ATXN7L1: variants seen among roughly 807,000 people sequenced by gnomAD.
The protein encoded by ATXN7L1 is ataxin 7 like 1.
In ATXN7L1, 15 loss-of-function variants were observed where a neutral mutation model predicts 70.8. The observed-to-expected ratio is 0.21, with a 90% CI of 0.14 to 0.33. ATXN7L1 has a LOEUF of 0.33. Ranked by LOEUF, ATXN7L1 falls within the 10% of genes least tolerant of loss-of-function variation. The pLI, the probability that ATXN7L1 is intolerant of heterozygous loss-of-function variation, is 1.00. For missense variants in ATXN7L1, 975 were observed against 1,097.1 expected (o/e 0.89, Z 1.57); for synonymous variants, 440 against 445.1 (o/e 0.99, Z 0.14).
chr7:105,822,074 G>A (rs975336152), intron 2 of ATXN7L1, among the ~76,000 whole-genome samples: 1 of 152,154 alleles, frequency 6.6e-6, no homozygotes, highest in East Asian at 1.9e-4. Flanking sequence ...ACTTCAGCTG[G>A]ACACACTGAA....
In ATXN7L1 at chr7:105,701,375, A is replaced by T. The variant is rs555962386; in HGVS notation, c.356-36087T>A. 2.1e-4 allele frequency among the ~76,000 whole-genome samples: 32 copies of T among 152,364 alleles called. No homozygotes were observed. In the South Asian group the frequency reaches 6.4e-3, roughly 31 times the overall value. On this transcript the variant is annotated intron_variant, in intron 3 of 11. Transcript: ENST00000419735. The stretch of plus-strand genomic sequence containing the variant: ...TATTTTAAAAATATAAAATATATGC[A>T]TGTAGATACATATGTACAACACACA...
At chr7:105,718,940 A>T (rs1794878106) in intron 3 of ATXN7L1, among the ~76,000 whole-genome samples, 1 of 152,244 alleles carries the variant, frequency 6.6e-6, no homozygotes, top group Admixed American at 6.5e-5. Flanking sequence ...CTCTAGGCAC[A>T]GGAAGACATC....
At chr7:105,771,291 C>T (rs1191798292) in intron 3 of ATXN7L1, among the ~76,000 whole-genome samples, 4 of 151,552 alleles carry the variant, frequency 2.6e-5, no homozygotes, top group East Asian at 1.9e-4. Context: ...ATTTTTTGGA[C>T]GATGTATATG....
In ATXN7L1 at chr7:105,672,277, C is replaced by G. The variant is rs117564178; in HGVS notation, c.356-6989G>C. Among the ~76,000 whole-genome samples the G allele has an allele frequency of 3.6e-3, 549 of 152,178 alleles. 16 individuals are homozygous for G. In the South Asian group the frequency reaches 0.064, roughly 18 times the overall value. Reference sequence around the variant, plus strand: ...CTCCAGTCTCGGCGACAGAGTGAGACTCCGTCCCCTGCCCCCCCCAAAAAA... The same window carrying G: ...CTCCAGTCTCGGCGACAGAGTGAGAGTCCGTCCCCTGCCCCCCCCAAAAAA... On this transcript the variant is annotated intron_variant, in intron 3 of 11. Coordinates refer to ENST00000419735, the MANE Select transcript of ATXN7L1 (RefSeq NM_020725.2).
intron 2 of ATXN7L1, among the ~76,000 whole-genome samples, chr7:105,808,701 G>A (rs974374734): frequency 6.6e-6 from 1 of 152,194 alleles, no homozygotes; most frequent in African/African-American, 2.4e-5. Context: ...AATTAATTGG[G>A]ACAGGAGCTT....
intron 2 of ATXN7L1, among the ~76,000 whole-genome samples, chr7:105,862,890 C>A (rs80015105): frequency 1.3e-5 from 2 of 152,164 alleles, no homozygotes; most frequent in Non-Finnish European, 2.9e-5. Context: ...CCAGCCACTC[C>A]AATCCAAAGG....
At chr7:105,776,472 A>T (rs1344839989) in intron 3 of ATXN7L1, among the ~76,000 whole-genome samples, 1 of 145,196 alleles carries the variant, frequency 6.9e-6, no homozygotes, top group Admixed American at 7.1e-5. Context: ...TTTTTTTTTA[A>T]GAAAAACAAA....
At chr7:105,713,350 TG>T (rs1231913413) in intron 3 of ATXN7L1, among the ~76,000 whole-genome samples, 1 of 152,182 alleles carries the variant, frequency 6.6e-6, no homozygotes, top group Non-Finnish European at 1.5e-5. Context: ...ATTCTGATGC[TG>T]TTACAGAATA....
At chr7:105,688,143 C>T (rs1258069594) in intron 3 of ATXN7L1, among the ~76,000 whole-genome samples, 1 of 152,154 alleles carries the variant, frequency 6.6e-6, no homozygotes, top group Non-Finnish European at 1.5e-5. Context: ...ATAATCATCA[C>T]AACCAGATAC....
intron 3 of ATXN7L1, among the ~76,000 whole-genome samples, chr7:105,706,344 T>G (rs986563846): frequency 1.3e-5 from 2 of 151,904 alleles, no homozygotes; most frequent in Non-Finnish European, 2.9e-5. Context: ...CAGGCGTGCA[T>G]CACCATGCCC....
intron 3 of ATXN7L1, among the ~76,000 whole-genome samples, chr7:105,762,983 G>A (rs1048878859): frequency 6.6e-6 from 1 of 152,102 alleles, no homozygotes; most frequent in East Asian, 1.9e-4. Flanking sequence ...CTTAGGAGTG[G>A]GTCCTCCAAC....
At chr7:105,692,424 T>TCCTTCCTTCCTTC in intron 3 of ATXN7L1, among the ~76,000 whole-genome samples, 1 of 88,086 alleles carries the variant, frequency 1.1e-5, no homozygotes, top group African/African-American at 4.4e-5. Context: ...CTTCCTTCCT[T>TCCTTCCTTCCTTC]CCTCCCTCCC....
intron 3 of ATXN7L1, among the ~76,000 whole-genome samples, chr7:105,666,939 T>C (rs1400279751): frequency 2.6e-5 from 4 of 152,302 alleles, no homozygotes; most frequent in South Asian, 2.1e-4. Context: ...TTCCTGTGTC[T>C]TTATCTGTGA....
chr7:105,858,634 C>A (rs1816088902), intron 2 of ATXN7L1, among the ~76,000 whole-genome samples: 1 of 152,170 alleles, frequency 6.6e-6, no homozygotes, highest in Non-Finnish European at 1.5e-5. Context: ...CGAAGTCATC[C>A]ATATCTAATA....
intron 3 of ATXN7L1, among the ~76,000 whole-genome samples, chr7:105,704,853 T>C (rs1329548465): frequency 5.9e-5 from 9 of 151,712 alleles, no homozygotes; most frequent in Admixed American, 3.3e-4. Context: ...TCAGGTGATC[T>C]GCCCCCCTTG....
In ATXN7L1 at chr7:105,614,834, G is replaced by A; in HGVS notation, c.1518-18C>T. ...GGATCTTCCTAAACATGAGAGAAGAGTGAAAGAGAATCAGTGAGACATCGG... is the reference window on the plus strand; with the variant it reads ...GGATCTTCCTAAACATGAGAGAAGAATGAAAGAGAATCAGTGAGACATCGG... On this transcript the variant is annotated intron_variant, in intron 9 of 11. Coordinates refer to ENST00000419735, the MANE Select transcript of ATXN7L1 (RefSeq NM_020725.2). The surrounding 1 kb of genome is among the most constrained non-coding windows in gnomAD (Gnocchi z 4.3). 2.6e-6 allele frequency: 4 copies of A among 1,538,112 alleles called. No homozygotes were observed. The highest frequency in any genetic ancestry group is 3.5e-6 in the Non-Finnish European group (4 of 1,138,574).
intron 3 of ATXN7L1, among the ~76,000 whole-genome samples, chr7:105,687,033 G>A (rs1790007112): frequency 6.6e-6 from 1 of 152,202 alleles, no homozygotes; most frequent in Non-Finnish European, 1.5e-5. Context: ...CTCGAGACAG[G>A]TGAGCTGCCA....
intron 2 of ATXN7L1, among the ~76,000 whole-genome samples, chr7:105,824,197 A>G (rs1810538596): frequency 6.6e-6 from 1 of 152,222 alleles, no homozygotes; most frequent in Non-Finnish European, 1.5e-5. Context: ...CTGGCAACTG[A>G]AAATTCTCCA....
At chr7:105,876,111 T>C (rs1320483375) in intron 1 of ATXN7L1, among the ~76,000 whole-genome samples, 1 of 152,122 alleles carries the variant, frequency 6.6e-6, no homozygotes, top group African/African-American at 2.4e-5. Context: ...AGTAGCCTTT[T>C]AAACGGACAA....
Sources: gnomAD v4.1 joint callset for allele counts (sites outside exome capture counted in the v4.1 genomes callset) on GRCh38, gnomAD v4.1.1 for gene constraint, Gnocchi (gnomAD v3.1) non-coding constraint, MANE v1.5 for transcripts, NCBI Gene and HGNC (gene_info 2026-07-23, HGNC 2026-07-21) for gene names.